The following CAMKMT variants were observed in gnomAD, a reference collection of about 807,000 sequenced individuals.
CAMKMT encodes the protein CaM KMT.
A neutral mutation model predicts 48.0 loss-of-function variants in CAMKMT; 53 were observed. The observed-to-expected ratio is 1.10, with a 90% CI of 0.89 to 1.39. The LOEUF (loss-of-function observed/expected upper bound fraction) is 1.39, where lower values mean the gene tolerates loss of function less well. Among genes scored for constraint, CAMKMT ranks in the 40% most tolerant of loss-of-function variants. CAMKMT has a pLI of 0.00. For synonymous variants in CAMKMT, 165 were observed against 152.3 expected, an observed-to-expected ratio of 1.08 and a Z score of -0.61; for missense variants, 428 against 402.7, an observed-to-expected ratio of 1.06 and a Z score of -0.54.
At chr2:44,598,148 A>C (rs1209124989) in intron 3 of CAMKMT, among the ~76,000 whole-genome samples, 1 of 152,140 alleles carries the variant, frequency 6.6e-6, no homozygotes, top group Non-Finnish European at 1.5e-5. Flanking sequence ...AAACAATGAC[A>C]AAAATTATAA....
At chr2:44,684,725 G>T (rs1334238299) in intron 3 of CAMKMT, among the ~76,000 whole-genome samples, 2 of 152,196 alleles carry the variant, frequency 1.3e-5, no homozygotes, top group African/African-American at 4.8e-5. Context: ...CCTGGAAACT[G>T]GTAAGCATGC....
chr2:44,585,650 A>G (rs1669814639), intron 3 of CAMKMT, among the ~76,000 whole-genome samples: 1 of 152,236 alleles, frequency 6.6e-6, no homozygotes, highest in African/African-American at 2.4e-5. Context: ...ATTAAATGAA[A>G]TGATCTTAAA....
chr2:44,580,243 A>AAAAATAAAATAAATAAAAT (rs1669477530), intron 3 of CAMKMT, among the ~76,000 whole-genome samples: 4 of 139,946 alleles, frequency 2.9e-5, no homozygotes, highest in African/African-American at 1.0e-4. Flanking sequence ...ATCAGGGCTC[A>AAAAATAAAATAAATAAAAT]AAAATAAAAT....
chr2:44,446,151 T>A (rs1382637026), intron 3 of CAMKMT, among the ~76,000 whole-genome samples: 1 of 152,064 alleles, frequency 6.6e-6, no homozygotes, highest in Non-Finnish European at 1.5e-5. Flanking sequence ...TTTCAGCATG[T>A]TCGCCAGGCT....
chr2:44,491,455 A>C (rs1372124513), intron 3 of CAMKMT, among the ~76,000 whole-genome samples: 1 of 152,188 alleles, frequency 6.6e-6, no homozygotes, highest in Non-Finnish European at 1.5e-5. Context: ...CTTTTGGTAC[A>C]CCATTGGCTT....
At chr2:44,652,238 C>T (rs926262079) in intron 3 of CAMKMT, among the ~76,000 whole-genome samples, 1 of 152,166 alleles carries the variant, frequency 6.6e-6, no homozygotes, top group Non-Finnish European at 1.5e-5. Flanking sequence ...GGCAGGTGAT[C>T]AATGTAGTTG....
chr2:44,638,011 G>C (rs537709889), intron 3 of CAMKMT, among the ~76,000 whole-genome samples: 1 of 146,702 alleles, frequency 6.8e-6, no homozygotes, highest in Non-Finnish European at 1.5e-5. Flanking sequence ...GTTGCAGTGA[G>C]CCGAGATCAT....
At chr2:44,632,028 T>C (rs1672862353) in intron 3 of CAMKMT, among the ~76,000 whole-genome samples, 1 of 152,152 alleles carries the variant, frequency 6.6e-6, no homozygotes, top group African/African-American at 2.4e-5. Flanking sequence ...CTTCTACAGA[T>C]GTCATAAACC....
intron 7 of CAMKMT, among the ~76,000 whole-genome samples, chr2:44,730,459 C>T (rs1022419361): frequency 6.6e-6 from 1 of 152,186 alleles, no homozygotes; most frequent in African/African-American, 2.4e-5. Context: ...GATTTTGCTA[C>T]TTGAGGAACA....
At chr2:44,628,155 C>G (rs1442936290) in intron 3 of CAMKMT, among the ~76,000 whole-genome samples, 3 of 152,050 alleles carry the variant, frequency 2.0e-5, no homozygotes, top group Admixed American at 6.6e-5. Context: ...ACTATGTCAC[C>G]CAGGCTAGTC....
intron 3 of CAMKMT, among the ~76,000 whole-genome samples, chr2:44,431,932 C>T (rs1311664743): frequency 1.3e-5 from 2 of 152,130 alleles, no homozygotes; most frequent in Non-Finnish European, 2.9e-5. Flanking sequence ...GTTAAAAAGG[C>T]TGTGCTTCAC....
rs77328935 is a variant in CAMKMT, at chr2:44,688,798, C to T, written c.377-15485C>T. Among the ~76,000 whole-genome samples, 536 of 152,296 alleles carry T rather than the reference C, an allele frequency of 3.5e-3. 5 individuals carry two copies. Among genetic ancestry groups the T allele is most frequent in the East Asian group, 0.017 (90 of 5,192 alleles). ...ATGCAGTGTGATATGCTGGGACGTG[C>T]ACCTAAACAACATTGCTAAAATAAG... On this transcript the variant is annotated intron_variant, in intron 3 of 10. Coordinates refer to ENST00000378494, the MANE Select transcript of CAMKMT (RefSeq NM_024766.5).
chr2:44,637,330 G>A (rs773848491), intron 3 of CAMKMT, among the ~76,000 whole-genome samples: 13 of 152,184 alleles, frequency 8.5e-5, no homozygotes, highest in Non-Finnish European at 1.8e-4. Flanking sequence ...CAAGCAAAGT[G>A]CAGATAAACA....
At chr2:44,715,440 CATTT>C (rs1311957517) in intron 7 of CAMKMT, 87 bp downstream of exon 7, 7 of 957,504 alleles carry the variant, frequency 7.3e-6, no homozygotes, top group Non-Finnish European at 1.6e-6. Flanking sequence ...TAATAGCTAA[CATTT>C]ATTGAGCACC....
chr2:44,532,437 A>G (rs1321683388), intron 3 of CAMKMT, among the ~76,000 whole-genome samples: 1 of 152,242 alleles, frequency 6.6e-6, no homozygotes, highest in Admixed American at 6.5e-5. Context: ...ATCTGCTTGC[A>G]TGCTATAGCA....
intron 8 of CAMKMT, among the ~76,000 whole-genome samples, chr2:44,745,745 A>G (rs1179269563): frequency 6.6e-6 from 1 of 152,146 alleles, no homozygotes; most frequent in African/African-American, 2.4e-5. Flanking sequence ...TGCGATGCTG[A>G]TAGTATTTCC....
At chr2:44,701,375 A>G (rs985645909) in intron 3 of CAMKMT, among the ~76,000 whole-genome samples, 2 of 152,170 alleles carry the variant, frequency 1.3e-5, no homozygotes, top group African/African-American at 4.8e-5. Context: ...TTTCACTGAG[A>G]TAACTTTTAA....
At chr2:44,627,251 C>G (rs1184930663) in intron 3 of CAMKMT, among the ~76,000 whole-genome samples, 6 of 152,010 alleles carry the variant, frequency 3.9e-5, no homozygotes, top group Non-Finnish European at 8.8e-5. Flanking sequence ...ATAGATATTA[C>G]TGGATTTGAT....
At chr2:44,635,035 TG>T (rs751944848) in intron 3 of CAMKMT, among the ~76,000 whole-genome samples, 25 of 152,216 alleles carry the variant, frequency 1.6e-4, no homozygotes, top group Non-Finnish European at 2.9e-4. Context: ...CTTGCACCAT[TG>T]CATTCCAGTT....
Sources: gnomAD v4.1 joint callset for allele counts (sites outside exome capture counted in the v4.1 genomes callset) on GRCh38, gnomAD v4.1.1 for gene constraint, MANE v1.5 for transcripts, NCBI Gene and HGNC (gene_info 2026-07-23, HGNC 2026-07-21) for gene names.